PPP5C: variants seen among roughly 807,000 people sequenced by gnomAD.
PPP5C encodes the protein protein phosphatase 5 catalytic subunit, also known as serine/threonine-protein phosphatase 5.
PPP5C carries 21 observed loss-of-function variants against 66.7 expected under a neutral mutation model. The ratio of observed to expected loss-of-function variants is 0.31; its 90% CI spans 0.22 to 0.45. The LOEUF (loss-of-function observed/expected upper bound fraction) is 0.45, where lower values mean the gene tolerates loss of function less well. Among genes scored for constraint, PPP5C ranks in the 20% least tolerant of loss-of-function variants. PPP5C has a pLI of 1.00. For synonymous variants in PPP5C, 246 were observed against 257.4 expected (o/e 0.96, Z 0.43); for missense variants, 464 against 675.9 (o/e 0.69, Z 3.48).
At chr19:46,374,246 C>G (rs1208677877) in intron 2 of PPP5C, among the ~76,000 whole-genome samples, 1 of 152,154 alleles carries the variant, frequency 6.6e-6, no homozygotes, top group Non-Finnish European at 1.5e-5. Context: ...ATGAGCCTCA[C>G]CCCCTGCTTC....
rs1972694644 is a variant in PPP5C at position 46,376,324 on chromosome 19, C to G, written c.512-129C>G. On this transcript the variant is annotated intron_variant, in intron 3 of 12. Transcript: ENST00000012443. This position sits in a 1 kb window ranked among gnomAD's most constrained non-coding sequence, Gnocchi z 5.1. Reference sequence around the variant, plus strand: ...AGACCTGACCCAGGAGGGGACTCTTCACTCACTCTGTCCCGCTCTCGACCT... The same window carrying G: ...AGACCTGACCCAGGAGGGGACTCTTGACTCACTCTGTCCCGCTCTCGACCT... 2.4e-6 allele frequency: 3 copies of G among 1,244,682 alleles called. No individual in the cohort carries two copies. The highest frequency in any genetic ancestry group is 3.4e-6 in the Non-Finnish European group (3 of 894,990). The allele number at this position is 1,244,682 out of a possible 1,614,324, so 77.1% of individuals were successfully genotyped here.
chr19:46,386,046 T>C (rs1029230258), intron 7 of PPP5C, among the ~76,000 whole-genome samples: 8 of 151,836 alleles, frequency 5.3e-5, no homozygotes, highest in Non-Finnish European at 5.9e-5. Context: ...AAAGGGGCCC[T>C]CTAGGGTTTT....
At chr19:46,387,534 G>A (rs756256296) in intron 9 of PPP5C, 81 bp downstream of exon 9, 15 of 1,609,678 alleles carry the variant, frequency 9.3e-6, no homozygotes, top group East Asian at 4.5e-5. Context: ...GCCCTGCCTC[G>A]GAGGATGGGC....
chr19:46,387,514 C>T, intron 9 of PPP5C, 61 bp downstream of exon 9: 1 of 1,613,486 alleles, frequency 6.2e-7, no homozygotes, highest in Non-Finnish European at 8.5e-7. Flanking sequence ...GAGCTCTCCC[C>T]TGCAACCCAG....
intron 2 of PPP5C, among the ~76,000 whole-genome samples, chr19:46,366,472 A>G (rs1326617607): frequency 2.0e-5 from 3 of 152,186 alleles, no homozygotes; most frequent in Admixed American, 6.5e-5. Flanking sequence ...CAGCCTCCCA[A>G]GTAGCTGGGA....
rs780470913 is a variant in PPP5C, at chr19:46,383,214, C to T, written c.634-197C>T. On this transcript the variant is annotated intron_variant, in intron 4 of 12. Transcript: ENST00000012443. The surrounding 1 kb of genome is among the most constrained non-coding windows in gnomAD (Gnocchi z 5.0). Reference sequence around the variant, plus strand: ...AAACAATCGCAATGCTTCGGCACTGCACAGGCCACAGAAGCCTGCGGCTGC... The same window carrying T: ...AAACAATCGCAATGCTTCGGCACTGTACAGGCCACAGAAGCCTGCGGCTGC... 2 of 1,534,268 alleles carry T rather than the reference C, an allele frequency of 1.3e-6. No homozygotes were observed. Among genetic ancestry groups the T allele is most frequent in the South Asian group, 2.4e-5 (2 of 83,146 alleles).
At chr19:46,363,347 A>C (rs967297478) in intron 2 of PPP5C, among the ~76,000 whole-genome samples, 2 of 111,590 alleles carry the variant, frequency 1.8e-5, no homozygotes, top group African/African-American at 3.5e-5. Flanking sequence ...AAAAAAAAAA[A>C]CAATTTTAAA....
At chr19:46,352,993 G>T (rs1313849236) in intron 1 of PPP5C, among the ~76,000 whole-genome samples, 4 of 152,168 alleles carry the variant, frequency 2.6e-5, no homozygotes, top group African/African-American at 9.7e-5. Flanking sequence ...GCATGGCTCT[G>T]GTACATCACG....
intron 11 of PPP5C, 86 bp from the exon 12 acceptor site, chr19:46,389,965 C>A: frequency 8.2e-7 from 1 of 1,218,092 alleles, no homozygotes; most frequent in Non-Finnish European, 1.2e-6. Context: ...CTCCCTCTGT[C>A]CCTTCTTGCC....
At position 46,390,415 on chromosome 19, in the gene PPP5C, G is replaced by A; in HGVS notation, c.*69G>A. Reference sequence around the variant, plus strand: ...CACCGGACCCAGGCCCTGGGCTAGGGGCAGAGCAGGCCCCGCCCCAGGGCA... The same window carrying A: ...CACCGGACCCAGGCCCTGGGCTAGGAGCAGAGCAGGCCCCGCCCCAGGGCA... On this transcript the variant is annotated 3_prime_UTR_variant, in exon 13 of 13. Coordinates refer to ENST00000012443, the MANE Select transcript of PPP5C (RefSeq NM_006247.4). 1 of 1,547,890 alleles carries A rather than the reference G, an allele frequency of 6.5e-7. No individual in the cohort carries two copies. The highest frequency in any genetic ancestry group is 8.7e-7 in the Non-Finnish European group (1 of 1,145,592).
intron 2 of PPP5C, among the ~76,000 whole-genome samples, chr19:46,355,211 T>C (rs1177675740): frequency 6.6e-6 from 1 of 152,238 alleles, no homozygotes; most frequent in Non-Finnish European, 1.5e-5. Flanking sequence ...CGTGCGCTTG[T>C]CCTGCGCATG....
intron 1 of PPP5C, among the ~76,000 whole-genome samples, chr19:46,350,058 G>C (rs1484362860): frequency 1.3e-5 from 2 of 152,038 alleles, no homozygotes; most frequent in African/African-American, 4.8e-5. Context: ...AGCCCTGGGA[G>C]GTTCTGAGTA....
At chr19:46,351,633 GGCA>G (rs1972186732) in intron 1 of PPP5C, among the ~76,000 whole-genome samples, 2 of 152,248 alleles carry the variant, frequency 1.3e-5, no homozygotes, top group African/African-American at 4.8e-5. Flanking sequence ...GCGCGGGCCA[GGCA>G]GCCTCTGGAC....
intron 1 of PPP5C, 120 bp downstream of exon 1, chr19:46,347,337 G>C: frequency 7.1e-7 from 1 of 1,407,726 alleles, no homozygotes; most frequent in South Asian, 1.5e-5. Flanking sequence ...CCAAGTGACC[G>C]GGCGTGGGGA....
At chr19:46,387,480 C>T (rs765792436) in intron 9 of PPP5C, 27 bp downstream of exon 9, 16 of 1,613,930 alleles carry the variant, frequency 9.9e-6, no homozygotes, top group Non-Finnish European at 1.2e-5. Context: ...CAGGTGTCTC[C>T]AGCAGAAAGG....
intron 2 of PPP5C, among the ~76,000 whole-genome samples, chr19:46,354,969 C>T (rs535872225): frequency 6.6e-6 from 1 of 152,206 alleles, no homozygotes; most frequent in Non-Finnish European, 1.5e-5. Context: ...ACCTTCACAC[C>T]AGGTGTGCTC....
intron 6 of PPP5C, chr19:46,384,434 A>C (rs991508536): frequency 3.4e-6 from 1 of 291,314 alleles, no homozygotes; most frequent in African/African-American, 2.1e-5. Context: ...AGGCCTATGC[A>C]TTGTTGAGTG....
chr19:46,363,125 G>A (rs1972421735), intron 2 of PPP5C, among the ~76,000 whole-genome samples: 2 of 147,544 alleles, frequency 1.4e-5, no homozygotes, highest in African/African-American at 4.9e-5. Context: ...CGGCTAAAAC[G>A]GTGAAACCCC....
chr19:46,387,261 TG>T (rs1368767857), intron 8 of PPP5C, 26 bp downstream of exon 8: 2 of 1,613,906 alleles, frequency 1.2e-6, no homozygotes, highest in African/African-American at 2.7e-5. Flanking sequence ...GCCCTGAGTG[TG>T]GGTTCCCCAC....
Sources: allele counts gnomAD v4.1 joint callset (sites outside exome capture counted in the v4.1 genomes callset), GRCh38; gene constraint gnomAD v4.1.1; non-coding constraint Gnocchi (gnomAD v3.1); transcripts MANE v1.5; gene names NCBI Gene and HGNC (gene_info 2026-07-23, HGNC 2026-07-21).